MMP19: variants seen among roughly 807,000 people sequenced by gnomAD.
MMP19 encodes the protein matrix metallopeptidase 19, also known as matrix metalloproteinase-19.
MMP19 carries 47 observed loss-of-function variants against 46.6 expected under a neutral mutation model. The ratio of observed to expected loss-of-function variants is 1.01; its 90% CI spans 0.80 to 1.29. MMP19 has a LOEUF of 1.29. MMP19 is among the 50% of genes most tolerant of loss of function. The pLI, the probability that MMP19 is intolerant of heterozygous loss-of-function variation, is 0.00. For missense variants in MMP19, 589 were observed against 643.5 expected, an observed-to-expected ratio of 0.92 and a Z score of 0.92; for synonymous variants, 222 against 248.5, an observed-to-expected ratio of 0.89 and a Z score of 1.00.
Position 55,839,727 on chromosome 12 carries a change from G to T in MMP19, c.535C>A (p.His179Asn). ...TFDGPGRVLA[H>N]ADIPELGSVH... ...CTGCCCAGCTCTGGGATGTCGGCAT[G>T]GGCCAGGACTCTCCCTGGACAAAGG... Residue 179 changes from histidine (H) to asparagine (N), a missense_variant, in exon 5 of 9, where the codon CAT becomes AAT. By Grantham distance (68) the His-to-Asn change is moderately conservative. Coordinates refer to ENST00000322569, the MANE Select transcript of MMP19 (RefSeq NM_002429.6). 1 of 1,612,076 alleles carries T rather than the reference G, an allele frequency of 6.2e-7. No individual in the cohort carries two copies.
Position 55,835,807 on chromosome 12 carries a change from C to T in MMP19, c.*1229G>A, listed in dbSNP as rs1215753073. Reference sequence around the variant, plus strand: ...AGGCTTAAACTACCCCCACCCCCACCTCCGCCTCCTACCTCAGCTGGGAGC... The same window carrying T: ...AGGCTTAAACTACCCCCACCCCCACTTCCGCCTCCTACCTCAGCTGGGAGC... On this transcript the variant is annotated 3_prime_UTR_variant, in exon 9 of 9. Transcript: ENST00000322569. 2 of 151,956 alleles carry T rather than the reference C, an allele frequency of 1.3e-5. No individual in the cohort carries two copies. The highest frequency in any genetic ancestry group is 2.9e-5 in the Non-Finnish European group (2 of 68,032). 9.4% of individuals were successfully genotyped at this position (151,956 alleles called of 1,614,324 possible).
In MMP19 at chr12:55,840,802, G is replaced by A; in HGVS notation, c.385C>T (p.Leu129=). 6.2e-7 allele frequency: 1 copy of A among 1,612,438 alleles called. No individual in the cohort carries two copies. The highest frequency in any genetic ancestry group is 1.3e-5 in the African/African-American group (1 of 75,004). Residue 129 remains leucine, a synonymous_variant, in exon 4 of 9, where the codon CTG becomes TTG. Transcript: ENST00000322569. The part of the protein sequence containing the change: ...TLPPHTARAA[L]RQAFQDWSNV... Reference sequence around the variant, plus strand: ...CTCCAGTCCTGGAAGGCTTGACGCAGGGCTGCCCGGGCTGTGTGGGGTGGA... The same window carrying A: ...CTCCAGTCCTGGAAGGCTTGACGCAAGGCTGCCCGGGCTGTGTGGGGTGGA...
At chr12:55,840,362 A>G (rs1230900722) in intron 4 of MMP19, among the ~76,000 whole-genome samples, 1 of 110,262 alleles carries the variant, frequency 9.1e-6, no homozygotes. Flanking sequence ...GAGGGAGAGA[A>G]GGAAGGAAGG....
chr12:55,837,385 G>C lies in MMP19; in HGVS notation c.1189-11C>G. 1 of 1,592,526 alleles carries C rather than the reference G, an allele frequency of 6.3e-7. No homozygotes were observed. Reference sequence around the variant, plus strand: ...CCAGTACCCGGAGCCCTGGATATGGGATGGGTGGGGAGAGGGGAGAGGAAG... The same window carrying C: ...CCAGTACCCGGAGCCCTGGATATGGCATGGGTGGGGAGAGGGGAGAGGAAG... On this transcript the variant is annotated splice_polypyrimidine_tract_variant and intron_variant, in intron 8 of 8. Transcript: ENST00000322569.
rs188271996 is a variant in MMP19 at position 55,837,943 on chromosome 12, C to A, written c.960G>T (p.Pro320=). Residue 320 remains proline, a synonymous_variant, in exon 7 of 9, where the codon CCG becomes CCT. Coordinates refer to ENST00000322569, the MANE Select transcript of MMP19 (RefSeq NM_002429.6). ...DYVWTVSDSG[P]GPLFRVSALW... is the part of the protein sequence containing the mutation. ...GGGCAGACACTCGGAACAAGGGGCC[C>A]GGTCCTGAATCTGATACAGTCCACA... 6.2e-7 allele frequency: 1 copy of A among 1,612,636 alleles called. No homozygotes were observed. The highest frequency in any genetic ancestry group is 1.1e-5 in the South Asian group (1 of 91,020).
At chr12:55,842,625 G>A (rs1005144769) in intron 1 of MMP19, 119 bp downstream of exon 1, 2 of 913,778 alleles carry the variant, frequency 2.2e-6, no homozygotes, top group Middle Eastern at 3.0e-4. Flanking sequence ...TAGACCATGG[G>A]GCAGAGAGAG....
intron 4 of MMP19, 42 bp from the exon 5 acceptor site, chr12:55,839,783 G>T (rs769737762): frequency 8.2e-6 from 13 of 1,577,788 alleles, no homozygotes; most frequent in African/African-American, 1.4e-5. Flanking sequence ...GTCAGAGCCC[G>T]CTAGGCTAGA....
intron 4 of MMP19, among the ~76,000 whole-genome samples, chr12:55,840,408 G>A (rs1344458186): frequency 2.1e-5 from 3 of 141,084 alleles, no homozygotes; most frequent in Non-Finnish European, 4.7e-5. Flanking sequence ...AGAGAAGGAA[G>A]GGAGGGAGGG....
Position 55,840,818 on chromosome 12 carries a change from G to T in MMP19, c.369C>A (p.His123Gln). ...CTTGACGCAGGGCTGCCCGGGCTGT[G>T]TGGGGTGGAAGGGTGGAGGGCAGGT... ...ILNLPSTLPP[H>Q]TARAALRQAF... Residue 123 changes from histidine to glutamine, a missense_variant, in exon 4 of 9, where the codon CAC becomes CAA. His to Gln is a conservative substitution (Grantham distance 24, BLOSUM62 0). Coordinates refer to ENST00000322569, the MANE Select transcript of MMP19 (RefSeq NM_002429.6). 2 of 1,611,170 alleles carry T rather than the reference G, an allele frequency of 1.2e-6. No homozygotes were observed. The highest frequency in any genetic ancestry group is 8.5e-7 in the Non-Finnish European group (1 of 1,177,742).
chr12:55,842,307 A>T, intron 2 of MMP19, 46 bp downstream of exon 2: 2 of 1,471,670 alleles, frequency 1.4e-6, no homozygotes, highest in Non-Finnish European at 1.9e-6. Context: ...AAGGAAGAAG[A>T]CCTTGAGACC....
Position 55,837,105 on chromosome 12 carries a change from G to A in MMP19, c.1458C>T (p.Thr486=). The A allele has an allele frequency of 4.3e-6, 7 of 1,612,296 alleles. No homozygotes were observed. Among genetic ancestry groups the A allele is most frequent in the Non-Finnish European group, 5.9e-6 (7 of 1,178,884 alleles). Residue 486 remains threonine, a synonymous_variant, in exon 9 of 9, where the codon ACC becomes ACT. Transcript: ENST00000322569. The stretch of plus-strand genomic sequence containing the variant: ...AGGTTATGCCCGTACCTGAGGGAGT[G>A]GTATTCCCACCTGATGGGGTAGTGT... ...TIDTTPSGGN[T]TPSGTGITLD...
chr12:55,837,441 C>T (rs1232569505), intron 8 of MMP19, 67 bp from the exon 9 acceptor site: 1 of 1,572,770 alleles, frequency 6.4e-7, no homozygotes, highest in Non-Finnish European at 8.7e-7. Flanking sequence ...CAGGGGTCCA[C>T]CCCCAGCCCA....
rs949965793 is a variant in MMP19, at chr12:55,835,719, A to G, written c.*1317T>C. On this transcript the variant is annotated 3_prime_UTR_variant, in exon 9 of 9. Coordinates refer to ENST00000322569, the MANE Select transcript of MMP19 (RefSeq NM_002429.6). ...CTCTGAGGAGCTCCAAGATACCCCA[A>G]CCTCCAGGCCCTTCATTAGGGGGTA... is the stretch of plus-strand genomic sequence containing the variant. 6.6e-6 allele frequency: 1 copy of G among 151,730 alleles called. No homozygotes were observed. Among genetic ancestry groups the G allele is most frequent in the Non-Finnish European group, 1.5e-5 (1 of 67,940 alleles). 9.4% of individuals were successfully genotyped at this position (151,730 alleles called of 1,614,324 possible).
chr12:55,840,155 A>G, intron 4 of MMP19: 1 of 199,814 alleles, frequency 5.0e-6, no homozygotes, highest in Non-Finnish European at 1.0e-5. Context: ...GCAAAACTTC[A>G]TCTCTACAAA....
At chr12:55,842,216 A>C in intron 2 of MMP19, 137 bp downstream of exon 2, 1 of 689,728 alleles carries the variant, frequency 1.4e-6, no homozygotes, top group Non-Finnish European at 2.6e-6. Flanking sequence ...CACCACCATA[A>C]TAATGATCGC....
At chr12:55,840,220 G>A (rs1474829340) in intron 4 of MMP19, among the ~76,000 whole-genome samples, 6 of 151,748 alleles carry the variant, frequency 4.0e-5, no homozygotes, top group South Asian at 2.1e-4. Flanking sequence ...AGGCTGAGGC[G>A]GGAGGATCAC....
chr12:55,836,990 G>T lies in MMP19; in HGVS notation c.*46C>A. ...GGGGGGAAATGAAAGGGTGGGTGGTGGAGCCTCAGGGGTTAATGTCCAAGA... is the reference window on the plus strand; with the variant it reads ...GGGGGGAAATGAAAGGGTGGGTGGTTGAGCCTCAGGGGTTAATGTCCAAGA... On this transcript the variant is annotated 3_prime_UTR_variant, in exon 9 of 9. Coordinates refer to ENST00000322569, the MANE Select transcript of MMP19 (RefSeq NM_002429.6). The T allele has an allele frequency of 6.7e-7, 1 of 1,482,760 alleles. No individual in the cohort carries two copies. The highest frequency in any genetic ancestry group is 9.1e-7 in the Non-Finnish European group (1 of 1,100,886). 91.9% of individuals were successfully genotyped at this position (1,482,760 alleles called of 1,614,324 possible). A position where few individuals can be genotyped will look rare whatever the true frequency, so the allele number is the denominator to read the frequency against.
chr12:55,836,870 G>T lies in MMP19; in HGVS notation c.*166C>A. ...GGTGGCTGGAGTTGGAAGTGTTAGA[G>T]GCCTGAGATCTACGGTCTTGCGCCT... On this transcript the variant is annotated 3_prime_UTR_variant, in exon 9 of 9. Transcript: ENST00000322569. The T allele has an allele frequency of 1.6e-6, 1 of 607,960 alleles. No individual in the cohort carries two copies. The highest frequency in any genetic ancestry group is 2.3e-5 in the South Asian group (1 of 43,846). The allele number at this position is 607,960 out of a possible 1,614,324, so 37.7% of individuals were successfully genotyped here.
Position 55,837,375 on chromosome 12 carries a change from C to G in MMP19, c.1189-1G>C, listed in dbSNP as rs1472711392. On this transcript the variant is annotated splice_acceptor_variant, in intron 8 of 8. Transcript: ENST00000322569. LOFTEE classifies it high-confidence loss of function. ...CGTCCCACTGCCAGTACCCGGAGCC[C>G]TGGATATGGGATGGGTGGGGAGAGG... The G allele has an allele frequency of 6.3e-7, 1 of 1,596,464 alleles. No homozygotes were observed. The highest frequency in any genetic ancestry group is 1.3e-5 in the African/African-American group (1 of 74,574).
Sources: gnomAD v4.1 joint callset for allele counts (sites outside exome capture counted in the v4.1 genomes callset) on GRCh38, gnomAD v4.1.1 for gene constraint, MANE v1.5 for transcripts, NCBI Gene and HGNC (gene_info 2026-07-23, HGNC 2026-07-21) for gene names.